Variants in PLCB4 observed in about 807,000 individuals in gnomAD.
PLCB4 encodes the protein 1-phosphatidylinositol 4,5-bisphosphate phosphodiesterase beta-4.
Under a neutral mutation model 178.8 loss-of-function variants are expected in PLCB4, and 77 were observed. That is an observed-to-expected ratio of 0.43 (90% CI 0.36 to 0.52). The LOEUF (loss-of-function observed/expected upper bound fraction) is 0.52. Ranked by LOEUF, PLCB4 falls within the 20% of genes least tolerant of loss-of-function variation. The probability of loss-of-function intolerance (pLI) is 0.00; values close to 1 mark genes in which losing one functional copy is unlikely to be tolerated. For synonymous variants in PLCB4, 496 were observed against 490.8 expected (o/e 1.01, Z -0.14); for missense variants, 1,024 against 1,453.4 (o/e 0.70, Z 4.80).
At chr20:9,424,669 A>C (rs2040871477) in intron 28 of PLCB4, among the ~76,000 whole-genome samples, 1 of 152,154 alleles carries the variant, frequency 6.6e-6, no homozygotes, top group South Asian at 2.1e-4. Flanking sequence ...GTAACCTCTC[A>C]AACCCCTCAT....
rs1156884413 is a variant in PLCB4, at chr20:9,313,952, G to T, written c.84+6054G>T. On this transcript the variant is annotated intron_variant, in intron 4 of 39. Transcript: ENST00000378473. ...AGAGGAAGGGGCAGCAGGGCTGGGG[G>T]ACTGGCCCCAGAAGCCTCAATGAGG... is the stretch of plus-strand genomic sequence containing the variant. 5.3e-5 allele frequency among the ~76,000 whole-genome samples: 8 copies of T among 152,306 alleles called. 1 individual carries two copies. Among genetic ancestry groups the T allele is most frequent in the African/African-American group, 1.9e-4 (8 of 41,568 alleles).
chr20:9,098,739 A>ATGTGTGTGTGTG (rs764119420), intron 2 of PLCB4, among the ~76,000 whole-genome samples: 4 of 49,256 alleles, frequency 8.1e-5, no homozygotes, highest in Admixed American at 5.7e-4. Context: ...ATATATACAT[A>ATGTGTGTGTGTG]TATGTGTGTG....
At chr20:9,413,376 G>C (rs1026258260) in intron 25 of PLCB4, among the ~76,000 whole-genome samples, 1 of 149,766 alleles carries the variant, frequency 6.7e-6, no homozygotes, top group Non-Finnish European at 1.5e-5. Context: ...ACTTTGGGAG[G>C]CCGAGGCGGG....
rs1166126339 is a variant in PLCB4 at position 9,207,674 on chromosome 20, G to A, written c.-78-9716G>A. On this transcript the variant is annotated intron_variant, in intron 2 of 39. Coordinates refer to ENST00000378473, the MANE Select transcript of PLCB4 (RefSeq NM_001377142.1). ...TAGATTTTTTCTTTCTCATTACCTAGAGGAGGGCCCACCATCTGCTCCACA... is the reference window on the plus strand; with the variant it reads ...TAGATTTTTTCTTTCTCATTACCTAAAGGAGGGCCCACCATCTGCTCCACA... 2.6e-5 allele frequency among the ~76,000 whole-genome samples: 4 copies of A among 152,306 alleles called. No individual in the cohort carries two copies. The East Asian group carries it at 7.7e-4, about 29-fold the overall frequency.
At chr20:9,225,893 G>T (rs2093858795) in intron 3 of PLCB4, among the ~76,000 whole-genome samples, 2 of 152,222 alleles carry the variant, frequency 1.3e-5, no homozygotes, top group Non-Finnish European at 2.9e-5. Flanking sequence ...TTTCTGAAAT[G>T]AAAAGAAGAG....
intron 2 of PLCB4, among the ~76,000 whole-genome samples, chr20:9,107,578 G>A (rs2091413287): frequency 6.6e-6 from 1 of 152,158 alleles, no homozygotes; most frequent in Non-Finnish European, 1.5e-5. Context: ...GCAGAGGTGA[G>A]CCTGCTGTTT....
At chr20:9,405,390 C>G in intron 21 of PLCB4, 42 bp downstream of exon 21, 6 of 1,216,868 alleles carry the variant, frequency 4.9e-6, no homozygotes, top group Non-Finnish European at 6.9e-6. Flanking sequence ...TCAGATGCAT[C>G]TAATTTAAAA....
chr20:9,202,427 T>C (rs6140892), intron 2 of PLCB4, among the ~76,000 whole-genome samples: 69,529 of 152,104 alleles, frequency 0.46, 16,588 homozygotes, highest in African/African-American at 0.6. Context: ...ATACCTCTGA[T>C]GCCAGGCATT....
chr20:9,166,000 T>A (rs946048219), intron 2 of PLCB4, among the ~76,000 whole-genome samples: 2 of 152,134 alleles, frequency 1.3e-5, no homozygotes, highest in African/African-American at 4.8e-5. Flanking sequence ...AACTTAAAAA[T>A]TTTTAAAGTT....
intron 32 of PLCB4, among the ~76,000 whole-genome samples, chr20:9,448,200 A>G (rs1302093969): frequency 1.3e-5 from 2 of 152,182 alleles, no homozygotes; most frequent in African/African-American, 4.8e-5. Flanking sequence ...AAGCCTCCTT[A>G]AAGAAACAGA....
intron 2 of PLCB4, among the ~76,000 whole-genome samples, chr20:9,154,905 CTCCTTCCTTCCTTCCTTCCTTCCT>C (rs771256316): frequency 1.3e-4 from 8 of 62,422 alleles, no homozygotes; most frequent in African/African-American, 3.6e-4. Context: ...CCCTCCTTCC[CTCCTTCCTTCCTTCCTTCCTTCCT>C]TCCTTCCTTC....
chr20:9,107,198 G>C (rs1029399686), intron 2 of PLCB4, among the ~76,000 whole-genome samples: 27 of 152,036 alleles, frequency 1.8e-4, no homozygotes, highest in Non-Finnish European at 1.5e-5. Flanking sequence ...TTATTTACTC[G>C]TTCAACAATT....
At chr20:9,442,831 C>G (rs1018594608) in intron 30 of PLCB4, among the ~76,000 whole-genome samples, 2 of 152,108 alleles carry the variant, frequency 1.3e-5, no homozygotes, top group African/African-American at 4.8e-5. Flanking sequence ...TTCCCTCAGC[C>G]AAAACTTTCC....
At position 9,276,875 on chromosome 20, in the gene PLCB4, T is replaced by G. The variant is rs951630605; in HGVS notation, c.-15-30925T>G. On this transcript the variant is annotated intron_variant, in intron 3 of 39. Coordinates refer to ENST00000378473, the MANE Select transcript of PLCB4 (RefSeq NM_001377142.1). The stretch of plus-strand genomic sequence containing the variant: ...GGATCGCTTGAACCCAGTTTCAGGC[T>G]GCAGTGAGTGATGATTGTAATCCTG... Among the ~76,000 whole-genome samples the G allele has an allele frequency of 4.6e-5, 7 of 152,214 alleles. No homozygotes were observed. The South Asian group carries it at 1.2e-3, about 27-fold the overall frequency.
intron 3 of PLCB4, among the ~76,000 whole-genome samples, chr20:9,263,291 C>G (rs1196998119): frequency 1.3e-5 from 2 of 152,012 alleles, no homozygotes; most frequent in African/African-American, 4.8e-5. Context: ...CTGGAGTTCT[C>G]TAAAATTGAC....
chr20:9,157,025 G>C (rs1391562265), intron 2 of PLCB4, among the ~76,000 whole-genome samples: 1 of 151,806 alleles, frequency 6.6e-6, no homozygotes, highest in Non-Finnish European at 1.5e-5. Flanking sequence ...CCATGTCACT[G>C]CACAATGTTC....
chr20:9,262,060 G>T (rs1019417279), intron 3 of PLCB4, among the ~76,000 whole-genome samples: 6 of 152,238 alleles, frequency 3.9e-5, no homozygotes, highest in Middle Eastern at 3.4e-3. Flanking sequence ...TACAAGACAG[G>T]ATAAGGTGAT....
chr20:9,121,922 C>T (rs915344446), intron 2 of PLCB4, among the ~76,000 whole-genome samples: 2 of 152,102 alleles, frequency 1.3e-5, no homozygotes, highest in African/African-American at 2.4e-5. Flanking sequence ...GTTTTCAAGT[C>T]GAATTATTAC....
At position 9,154,112 on chromosome 20, in the gene PLCB4, G is replaced by A. The variant is rs561436486; in HGVS notation, c.-79+57770G>A. 1.0e-3 allele frequency among the ~76,000 whole-genome samples: 153 copies of A among 152,196 alleles called. 2 individuals are homozygous for A. The South Asian group carries it at 0.022, about 22-fold the overall frequency. ...TCCATTGGTCACTTGGGCAAAGTTC[G>A]GTTTAGGCCATCAGGTCCACAGTGC... On this transcript the variant is annotated intron_variant, in intron 2 of 39. Transcript: ENST00000378473.
Sources: gnomAD v4.1 joint callset for allele counts (sites outside exome capture counted in the v4.1 genomes callset) on GRCh38, gnomAD v4.1.1 for gene constraint, MANE v1.5 for transcripts, NCBI Gene and HGNC (gene_info 2026-07-23, HGNC 2026-07-21) for gene names.